The following TTC16 variants were observed in gnomAD, a reference collection of about 807,000 sequenced individuals.
The protein encoded by TTC16 is tetratricopeptide repeat protein 16.
Under a neutral mutation model 80.4 loss-of-function variants are expected in TTC16, and 66 were observed. That is an observed-to-expected ratio of 0.82 (90% CI 0.67 to 1.01). The LOEUF is 1.01. TTC16 is among the 50% of genes least tolerant of loss of function. The pLI is 0.00. For missense variants in TTC16, 1,070 were observed against 1,103.2 expected (o/e 0.97, Z 0.43); for synonymous variants, 438 against 451.3 (o/e 0.97, Z 0.37).
At chr9:127,727,155 G>T in intron 11 of TTC16, 43 bp downstream of exon 11, 1 of 1,534,412 alleles carries the variant, frequency 6.5e-7, no homozygotes, top group Non-Finnish European at 8.8e-7. Flanking sequence ...CTGGGGAATG[G>T]CTGCAGCTCC....
chr9:127,724,238 T>C lies in TTC16; in HGVS notation c.991T>C (p.Leu331=), dbSNP rs201796637. 3 of 1,613,050 alleles carry C rather than the reference T, an allele frequency of 1.9e-6. No homozygotes were observed. Among genetic ancestry groups the C allele is most frequent in the African/African-American group, 1.3e-5 (1 of 75,060 alleles). The change falls in exon 8 of 14, where the codon TTG becomes CTG. Residue 331 remains leucine (L), a synonymous_variant. Transcript: ENST00000373289. ...DMVRQAQRQL[L]LTYNDFAVHC... is the part of the protein sequence containing the mutation. ...GGTGCGGCAGGCACAGCGCCAGCTG[T>C]TGCTGACCTACAACGACTTTGCCGT...
At chr9:127,716,219 G>C (rs975292053) in intron 1 of TTC16, 56 bp downstream of exon 1, 1 of 1,613,200 alleles carries the variant, frequency 6.2e-7, no homozygotes, top group Admixed American at 1.7e-5. Flanking sequence ...GAGAGACCGA[G>C]GCTGGGTTCG....
intron 11 of TTC16, 77 bp downstream of exon 11, chr9:127,727,189 T>C: frequency 1.3e-6 from 2 of 1,519,560 alleles, no homozygotes; most frequent in South Asian, 2.6e-5. Flanking sequence ...TCCAGCTGCA[T>C]GACGGGGCCG....
At chr9:127,720,521 C>A in intron 6 of TTC16, 126 bp downstream of exon 6, 2 of 1,238,502 alleles carry the variant, frequency 1.6e-6, no homozygotes, top group Non-Finnish European at 1.1e-6. Context: ...GCAGTGGGTG[C>A]TGTCCTCCCT....
At position 127,718,383 on chromosome 9, in the gene TTC16, C is replaced by T. The variant is rs545457510; in HGVS notation, c.426+611C>T. Among the ~76,000 whole-genome samples the T allele has an allele frequency of 1.6e-3, 247 of 151,616 alleles. No individual in the cohort carries two copies. The highest frequency in any genetic ancestry group is 2.8e-3 in the Non-Finnish European group (187 of 67,844). On this transcript the variant is annotated intron_variant, in intron 4 of 13. Transcript: ENST00000373289. This position sits in a 1 kb window ranked among gnomAD's most constrained non-coding sequence, Gnocchi z 4.6. ...GATTACAGATGTGAGCCACTGCGCC[C>T]GGCCTCTTATTTTTATTTTAATTAA...
chr9:127,730,836 A>C lies in TTC16; in HGVS notation c.2053A>C (p.Thr685Pro). ...GGGCCAGAGGCAGAGCCTTAGCAAG[A>C]CTGAGCCCACCCAGAGCCAGAGGCG... ...TQGQRQSLSK[T>P]EPTQSQRRNS... The change falls in exon 14 of 14, where the codon ACT becomes CCT. Residue 685 changes from threonine to proline, a missense_variant. By Grantham distance (38) the Thr-to-Pro change is conservative (BLOSUM62 -1). Transcript: ENST00000373289. The C allele has an allele frequency of 6.2e-7, 1 of 1,613,720 alleles. No homozygotes were observed. Among genetic ancestry groups the C allele is most frequent in the African/African-American group, 1.3e-5 (1 of 75,026 alleles).
At chr9:127,723,366 C>T in intron 7 of TTC16, 33 bp downstream of exon 7, 1 of 1,594,408 alleles carries the variant, frequency 6.3e-7, no homozygotes. Context: ...CCTTGGGTCC[C>T]AGGTCCTGCC....
In TTC16 at chr9:127,718,236, C is replaced by T. The variant is rs895756000; in HGVS notation, c.426+464C>T. Reference sequence around the variant, plus strand: ...CTGAGTAGCTGGGACTACAGGCACACGCCACCACGCCTGGCTAATTTTTTG... The same window carrying T: ...CTGAGTAGCTGGGACTACAGGCACATGCCACCACGCCTGGCTAATTTTTTG... On this transcript the variant is annotated intron_variant, in intron 4 of 13. Transcript: ENST00000373289. The surrounding 1 kb of genome is among the most constrained non-coding windows in gnomAD (Gnocchi z 4.6). Among the ~76,000 whole-genome samples, 10 of 152,154 alleles carry T rather than the reference C, an allele frequency of 6.6e-5. No homozygotes were observed. Among genetic ancestry groups the T allele is most frequent in the South Asian group, 2.1e-4 (1 of 4,820 alleles).
intron 9 of TTC16, 43 bp downstream of exon 9, chr9:127,724,940 G>A: frequency 6.9e-7 from 1 of 1,443,698 alleles, no homozygotes; most frequent in Non-Finnish European, 9.1e-7. Context: ...GCAGGCCCGA[G>A]GGCAGGGCGG....
rs114770292 is a variant in TTC16, at chr9:127,716,931, T to G, written c.106T>G (p.Phe36Val). The change falls in exon 2 of 14, where the codon TTT becomes GTT. Residue 36 changes from phenylalanine (F) to valine (V), a missense_variant. By Grantham distance (50) the Phe-to-Val change is conservative. Coordinates refer to ENST00000373289, the MANE Select transcript of TTC16 (RefSeq NM_144965.3). ...CCCCAAAGGGATCCTGCAGCACATC[T>G]TTGGGACCAGCCACGTGTTCCAAAG... Reference protein sequence around the residue: ...PAPKGILQHIFGTSHVFQSIC... With the variant: ...PAPKGILQHIVGTSHVFQSIC... The G allele has an allele frequency of 2.6e-4, 423 of 1,614,066 alleles. 2 individuals carry two copies. The African/African-American group carries it at 5.0e-3, about 19-fold the overall frequency.
chr9:127,717,391 C>G lies in TTC16; in HGVS notation c.249C>G (p.Leu83=). ...EQADWETAVL[L]FSRALHLDPQ... is the part of the protein sequence containing the mutation. ...CAGACTGGGAGACAGCTGTGCTGCT[C>G]TTCTCCCGCGCACTCCACCTGGACC... Residue 83 remains leucine (L), a synonymous_variant, in exon 3 of 14, where the codon CTC becomes CTG. Transcript: ENST00000373289. 2 of 1,613,398 alleles carry G rather than the reference C, an allele frequency of 1.2e-6. No homozygotes were observed. The highest frequency in any genetic ancestry group is 1.7e-6 in the Non-Finnish European group (2 of 1,180,026).
chr9:127,731,182 G>A lies in TTC16; in HGVS notation c.2399G>A (p.Arg800Gln), dbSNP rs539190621. Residue 800 changes from arginine (R) to glutamine (Q), a missense_variant, in exon 14 of 14, where the codon CGA becomes CAA. Coordinates refer to ENST00000373289, the MANE Select transcript of TTC16 (RefSeq NM_144965.3). ...ATQGRSRGLL[R>Q]SSTKTEAFYD... ...CAGGGCCGAAGCAGGGGACTGCTCC[G>A]AAGTTCCACCAAGACTGAGGCTTTC... The A allele has an allele frequency of 1.4e-5, 23 of 1,612,718 alleles. No homozygotes were observed. The highest frequency in any genetic ancestry group is 1.6e-4 in the Middle Eastern group (1 of 6,062).
In TTC16 at chr9:127,722,272, C is replaced by T. The variant is rs117481713; in HGVS notation, c.658-847C>T. ...CTGTCCACACCATCCCGTTCACCTG[C>T]CAGCCAGTCACCCCGCAGGGAACAG... On this transcript the variant is annotated intron_variant, in intron 6 of 13. Coordinates refer to ENST00000373289, the MANE Select transcript of TTC16 (RefSeq NM_144965.3). This position sits in a 1 kb window ranked among gnomAD's most constrained non-coding sequence, Gnocchi z 4.2. Among the ~76,000 whole-genome samples the T allele has an allele frequency of 0.018, 2,742 of 152,298 alleles. 61 individuals are homozygous for T. Among genetic ancestry groups the T allele is most frequent in the Non-Finnish European group, 0.024 (1,629 of 68,024 alleles).
intron 7 of TTC16, among the ~76,000 whole-genome samples, 195 bp from the exon 8 acceptor site, chr9:127,723,925 G>A (rs1843693328): frequency 6.8e-6 from 1 of 147,826 alleles, no homozygotes; most frequent in South Asian, 2.1e-4. Context: ...AAAATGCTCA[G>A]TGCCTAGTGG....
Position 127,720,246 on chromosome 9 carries a change from T to C in TTC16, c.528-20T>C. 1.2e-6 allele frequency: 2 copies of C among 1,613,380 alleles called. No homozygotes were observed. The highest frequency in any genetic ancestry group is 2.2e-5 in the South Asian group (2 of 91,080). On this transcript the variant is annotated intron_variant, in intron 5 of 13. Coordinates refer to ENST00000373289, the MANE Select transcript of TTC16 (RefSeq NM_144965.3). ...GCCGCCCCACCCGGGAAACGAGCAC[T>C]CTGTGCCCTCTGCCCTCAGCATGGC...
rs761290487 is a variant in TTC16, at chr9:127,723,130, C to T, written c.669C>T (p.Cys223=). Reference sequence around the variant, plus strand: ...ATGGCCTCCTGCAGCCCCACCTCTGCTACCGGGACCTGCACAGCGCCTTGC... The same window carrying T: ...ATGGCCTCCTGCAGCCCCACCTCTGTTACCGGGACCTGCACAGCGCCTTGC... ...LYNFLQKPHL[C]YRDLHSALLL... The change falls in exon 7 of 14, where the codon TGC becomes TGT. Residue 223 remains cysteine, a synonymous_variant. Transcript: ENST00000373289. 3 of 1,611,382 alleles carry T rather than the reference C, an allele frequency of 1.9e-6. No individual in the cohort carries two copies. The highest frequency in any genetic ancestry group is 2.5e-6 in the Non-Finnish European group (3 of 1,179,810).
Position 127,731,096 on chromosome 9 carries a change from G to A in TTC16, c.2313G>A (p.Arg771=), listed in dbSNP as rs1336333061. The part of the protein sequence containing the change: ...KTKTTRSPRQ[R]PRKVKAARGR... ...AGACCACCCGGAGCCCAAGGCAGAG[G>A]CCCAGAAAGGTCAAGGCTGCTCGTG... The change falls in exon 14 of 14, where the codon AGG becomes AGA. Residue 771 remains arginine, a synonymous_variant. Transcript: ENST00000373289. The A allele has an allele frequency of 1.9e-6, 3 of 1,611,700 alleles. No individual in the cohort carries two copies. In the South Asian group the frequency reaches 3.3e-5, roughly 18 times the overall value.
intron 9 of TTC16, among the ~76,000 whole-genome samples, chr9:127,725,880 G>A (rs938274192): frequency 1.3e-5 from 2 of 152,236 alleles, no homozygotes; most frequent in East Asian, 1.9e-4. Context: ...GATTACAGGC[G>A]TGAGCCACCA....
At chr9:127,729,435 T>C (rs920042286) in intron 12 of TTC16, 146 bp from the exon 13 acceptor site, 2 of 643,236 alleles carry the variant, frequency 3.1e-6, no homozygotes, top group Non-Finnish European at 5.5e-6. Flanking sequence ...CCTCTGCGTG[T>C]CCCCACCCCA....
Sources: allele counts gnomAD v4.1 joint callset (sites outside exome capture counted in the v4.1 genomes callset), GRCh38; gene constraint gnomAD v4.1.1; non-coding constraint Gnocchi (gnomAD v3.1); transcripts MANE v1.5; gene names NCBI Gene and HGNC (gene_info 2026-07-23, HGNC 2026-07-21).